Variants in CELF4 observed in about 807,000 individuals in gnomAD.
The protein encoded by CELF4 is CUG-BP- and ETR-3-like factor 4.
CELF4 carries 18 observed loss-of-function variants against 59.9 expected under a neutral mutation model. That is an observed-to-expected ratio of 0.30 (90% CI 0.21 to 0.45). The LOEUF (loss-of-function observed/expected upper bound fraction) is 0.45, where lower values mean the gene tolerates loss of function less well. Among genes scored for constraint, CELF4 ranks in the 20% least tolerant of loss-of-function variants. CELF4 has a pLI of 1.00. For synonymous variants in CELF4, 261 were observed against 267.1 expected (o/e 0.98, Z 0.22); for missense variants, 456 against 689.0 (o/e 0.66, Z 3.79).
At chr18:37,393,066 T>C (rs561061819) in intron 2 of CELF4, among the ~76,000 whole-genome samples, 63 of 41,628 alleles carry the variant, frequency 1.5e-3, no homozygotes, top group Admixed American at 4.6e-3. Context: ...GACTGCGGTG[T>C]GTTAGAGAGA....
chr18:37,266,145 C>T (rs2077424957), intron 9 of CELF4: 1 of 354,784 alleles, frequency 2.8e-6, no homozygotes, highest in Non-Finnish European at 5.3e-6. Context: ...GGGCCAGTGA[C>T]TGTGGCCCAT....
At chr18:37,268,171 G>C (rs375751521) in intron 8 of CELF4, among the ~76,000 whole-genome samples, 2 of 152,118 alleles carry the variant, frequency 1.3e-5, no homozygotes, top group African/African-American at 4.8e-5. Context: ...TCAGACCCAC[G>C]GGGGCTCTGC....
intron 2 of CELF4, among the ~76,000 whole-genome samples, chr18:37,382,852 C>T (rs904731489): frequency 1.1e-4 from 17 of 152,160 alleles, no homozygotes; most frequent in Non-Finnish European, 2.2e-4. Flanking sequence ...AAGCTGCTCA[C>T]CTGCCCCCCT....
At chr18:37,416,022 C>A (rs910662510) in intron 2 of CELF4, among the ~76,000 whole-genome samples, 11 of 152,188 alleles carry the variant, frequency 7.2e-5, no homozygotes, top group African/African-American at 2.4e-4. Flanking sequence ...TCTTTGGTAT[C>A]TTTCAGAAGG....
intron 2 of CELF4, among the ~76,000 whole-genome samples, chr18:37,412,436 G>A (rs1365219862): frequency 6.6e-6 from 1 of 152,160 alleles, no homozygotes; most frequent in Admixed American, 6.5e-5. Flanking sequence ...ATAGATGGAT[G>A]GATGGATGCA....
chr18:37,416,459 G>T (rs2099529572), intron 2 of CELF4, among the ~76,000 whole-genome samples: 1 of 152,162 alleles, frequency 6.6e-6, no homozygotes, highest in East Asian at 1.9e-4. Context: ...TTTCACATGG[G>T]TGTCTTGTCT....
chr18:37,490,282 A>T (rs2099896993), intron 1 of CELF4, among the ~76,000 whole-genome samples: 1 of 152,108 alleles, frequency 6.6e-6, no homozygotes, highest in South Asian at 2.1e-4. Context: ...GGTGGGGAGT[A>T]GGGGGGTATG....
intron 2 of CELF4, among the ~76,000 whole-genome samples, chr18:37,324,898 T>A (rs2097252196): frequency 6.6e-6 from 1 of 152,090 alleles, no homozygotes; most frequent in Non-Finnish European, 1.5e-5. Context: ...TCACAAAGGT[T>A]GTAAATGGTG....
chr18:37,404,785 G>T (rs2099364196), intron 2 of CELF4, among the ~76,000 whole-genome samples: 1 of 152,202 alleles, frequency 6.6e-6, no homozygotes, highest in Non-Finnish European at 1.5e-5. Context: ...AAGGCACTCA[G>T]AAAGCCCCTC....
At chr18:37,550,305 G>A (rs1452288220) in intron 1 of CELF4, among the ~76,000 whole-genome samples, 1 of 152,106 alleles carries the variant, frequency 6.6e-6, no homozygotes, top group Non-Finnish European at 1.5e-5. Context: ...AATTCACTTT[G>A]TCTATTAAGT....
At chr18:37,379,607 T>G (rs1443866220) in intron 2 of CELF4, among the ~76,000 whole-genome samples, 1 of 148,312 alleles carries the variant, frequency 6.7e-6, no homozygotes, top group Non-Finnish European at 1.5e-5. Context: ...CTTTGATATC[T>G]CCCTAGCCTA....
chr18:37,476,662 CCA>C (rs1197578207), intron 2 of CELF4, among the ~76,000 whole-genome samples: 1 of 152,332 alleles, frequency 6.6e-6, no homozygotes, highest in East Asian at 1.9e-4. Flanking sequence ...TTCTGCTCGC[CCA>C]CACACATGCG....
intron 2 of CELF4, among the ~76,000 whole-genome samples, chr18:37,372,833 C>T (rs536655303): frequency 6.6e-6 from 1 of 150,778 alleles, no homozygotes; most frequent in African/African-American, 2.4e-5. Context: ...ACTTATTAAC[C>T]TGAAAAAAAA....
rs759387784 is a variant in CELF4 at position 37,390,804 on chromosome 18, G to GA, written c.370-68924_370-68923insT. Among the ~76,000 whole-genome samples, 114 of 66,352 alleles carry GA rather than the reference G, an allele frequency of 1.7e-3. 8 individuals are homozygous for GA. The highest frequency in any genetic ancestry group is 7.6e-3 in the East Asian group (11 of 1,454). The allele number at this position is 66,352 out of a possible 152,430, so 43.5% of individuals were successfully genotyped here. On this transcript the variant is annotated intron_variant, in intron 2 of 12. Transcript: ENST00000420428. ...GAAGGCTGGTGGTGGTGATGGGGCG[G>GA]GGAGGGGGGGCAGTGCTGCTGGCCG...
chr18:37,298,175 G>C (rs1480479829), intron 3 of CELF4, among the ~76,000 whole-genome samples: 1 of 152,174 alleles, frequency 6.6e-6, no homozygotes, highest in African/African-American at 2.4e-5. Context: ...CTGAGCCTTG[G>C]GGCCCAGGAA....
At chr18:37,524,175 T>C (rs2099960853) in intron 1 of CELF4, among the ~76,000 whole-genome samples, 2 of 152,190 alleles carry the variant, frequency 1.3e-5, no homozygotes, top group African/African-American at 4.8e-5. Flanking sequence ...GAGTCATATC[T>C]GGTTGGAGAG....
intron 2 of CELF4, among the ~76,000 whole-genome samples, chr18:37,430,770 C>T (rs938434264): frequency 1.3e-5 from 2 of 152,222 alleles, no homozygotes; most frequent in African/African-American, 4.8e-5. Context: ...CAGGCCCCCT[C>T]TAGTTGTGTC....
At chr18:37,542,341 C>T (rs1052133371) in intron 1 of CELF4, among the ~76,000 whole-genome samples, 7 of 152,170 alleles carry the variant, frequency 4.6e-5, no homozygotes, top group African/African-American at 1.7e-4. Context: ...CGCTGTGCAC[C>T]CACTGAACTT....
intron 2 of CELF4, among the ~76,000 whole-genome samples, chr18:37,465,686 CAG>C (rs1475131367): frequency 1.3e-5 from 2 of 152,092 alleles, no homozygotes; most frequent in Non-Finnish European, 2.9e-5. Flanking sequence ...TAATATAAAA[CAG>C]AGTGCAATGT....
Sources: gnomAD v4.1 joint callset for allele counts (sites outside exome capture counted in the v4.1 genomes callset) on GRCh38, gnomAD v4.1.1 for gene constraint, MANE v1.5 for transcripts, NCBI Gene and HGNC (gene_info 2026-07-23, HGNC 2026-07-21) for gene names.